COBL: variants seen among roughly 807,000 people sequenced by gnomAD.
COBL encodes protein cordon-bleu.
In COBL, 51 loss-of-function variants were observed where a neutral mutation model predicts 98.8. The observed-to-expected ratio is 0.52, with a 90% CI of 0.41 to 0.65. The LOEUF is 0.65. COBL is among the 30% of genes least tolerant of loss of function. COBL has a pLI of 0.00. For synonymous variants in COBL, 634 were observed against 651.7 expected, an observed-to-expected ratio of 0.97 and a Z score of 0.41; for missense variants, 1,617 against 1,617.5, an observed-to-expected ratio of 1.00 and a Z score of 0.01.
At chr7:51,260,507 A>G (rs1797619945) in intron 1 of COBL, among the ~76,000 whole-genome samples, 1 of 152,212 alleles carries the variant, frequency 6.6e-6, no homozygotes, top group African/African-American at 2.4e-5. Flanking sequence ...ACACAGATAA[A>G]CAAACACTCA....
intron 3 of COBL, among the ~76,000 whole-genome samples, chr7:51,192,954 C>A (rs1278483011): frequency 6.6e-6 from 1 of 152,004 alleles, no homozygotes; most frequent in Non-Finnish European, 1.5e-5. Flanking sequence ...TTCAAGTGTT[C>A]AAAAGCTGTG....
At chr7:51,133,583 G>T (rs938892619) in intron 6 of COBL, among the ~76,000 whole-genome samples, 1 of 152,228 alleles carries the variant, frequency 6.6e-6, no homozygotes, top group Admixed American at 6.5e-5. Context: ...CCCTTTGGGT[G>T]ATCTGATGCC....
chr7:51,274,288 C>G (rs1447568445), intron 1 of COBL, among the ~76,000 whole-genome samples: 1 of 152,202 alleles, frequency 6.6e-6, no homozygotes, highest in Non-Finnish European at 1.5e-5. Flanking sequence ...CCTCACTGCT[C>G]GCAGGAGAAG....
At chr7:51,214,440 G>C (rs62448319) in intron 2 of COBL, among the ~76,000 whole-genome samples, 1 of 152,108 alleles carries the variant, frequency 6.6e-6, no homozygotes, top group African/African-American at 2.4e-5. Flanking sequence ...GTGAACAGGC[G>C]ATCTCAGACA....
At chr7:51,064,260 T>G (rs745791134) in intron 7 of COBL, 39 of 151,734 alleles carry the variant, frequency 2.6e-4, no homozygotes, top group Non-Finnish European at 5.1e-4. Context: ...AGGTGCAGTA[T>G]AGGATCCCAT....
chr7:51,137,999 A>C (rs1398332489), intron 5 of COBL, among the ~76,000 whole-genome samples: 1 of 152,168 alleles, frequency 6.6e-6, no homozygotes, highest in Non-Finnish European at 1.5e-5. Context: ...TTATACTATC[A>C]TTTGTTTTCC....
intron 1 of COBL, among the ~76,000 whole-genome samples, chr7:51,273,365 A>G (rs946806363): frequency 1.3e-5 from 2 of 151,900 alleles, no homozygotes; most frequent in Non-Finnish European, 2.9e-5. Context: ...AAAGAAAGTT[A>G]TCTCAAAATA....
At chr7:51,163,060 T>C (rs942541095) in intron 5 of COBL, among the ~76,000 whole-genome samples, 1 of 152,160 alleles carries the variant, frequency 6.6e-6, no homozygotes, top group African/African-American at 2.4e-5. Flanking sequence ...AAGGAGTGCC[T>C]CTCACAGCCC....
At chr7:51,108,958 C>CACACACACACACACA (rs1562923478) in intron 6 of COBL, among the ~76,000 whole-genome samples, 2,102 of 83,904 alleles carry the variant, frequency 0.025, 38 homozygotes, top group East Asian at 0.041. Context: ...ACACACACAC[C>CACACACACACACACA]CCCTGCCCCA....
chr7:51,178,417 A>G (rs897948582), intron 5 of COBL, among the ~76,000 whole-genome samples: 3 of 152,180 alleles, frequency 2.0e-5, no homozygotes, highest in Non-Finnish European at 4.4e-5. Flanking sequence ...GGATTTGTTT[A>G]TAAGGTTTTA....
In COBL at chr7:51,237,474, T is replaced by C. The variant is rs577896714; in HGVS notation, c.42-17530A>G. On this transcript the variant is annotated intron_variant, in intron 1 of 12. Transcript: ENST00000265136. ...TTCACTAAGATGTAACAGCTGAATT[T>C]ACTTTTACGGTTTGCCGATCTCAAT... 2.0e-5 allele frequency among the ~76,000 whole-genome samples: 3 copies of C among 151,562 alleles called. No homozygotes were observed. In the South Asian group the frequency reaches 6.3e-4, roughly 32 times the overall value.
At chr7:51,165,845 A>G (rs1055006297) in intron 5 of COBL, among the ~76,000 whole-genome samples, 8 of 152,054 alleles carry the variant, frequency 5.3e-5, no homozygotes, top group East Asian at 3.8e-4. Context: ...TGGGAATTAA[A>G]CAACATGCTC....
intron 11 of COBL, among the ~76,000 whole-genome samples, chr7:51,026,283 AG>A (rs990568204): frequency 6.6e-6 from 1 of 152,230 alleles, no homozygotes; most frequent in African/African-American, 2.4e-5. Flanking sequence ...GCTCAGTTCT[AG>A]GCACAGGAAG....
intron 7 of COBL, among the ~76,000 whole-genome samples, chr7:51,049,920 C>T (rs558671027): frequency 3.0e-4 from 45 of 152,252 alleles, no homozygotes; most frequent in African/African-American, 1.1e-3. Flanking sequence ...ACTTTGTTCC[C>T]CTCTTTTTCT....
intron 7 of COBL, among the ~76,000 whole-genome samples, chr7:51,079,949 T>G (rs1214683903): frequency 2.6e-5 from 4 of 152,222 alleles, no homozygotes; most frequent in African/African-American, 9.6e-5. Flanking sequence ...CAGGTAAATG[T>G]GGTTTTCATG....
chr7:51,090,375 C>A (rs919569633), intron 6 of COBL, among the ~76,000 whole-genome samples: 1 of 152,206 alleles, frequency 6.6e-6, no homozygotes, highest in Non-Finnish European at 1.5e-5. Flanking sequence ...AGCCATTTCA[C>A]CTCAACTGTG....
chr7:51,209,945 A>C (rs374530612), intron 2 of COBL, among the ~76,000 whole-genome samples: 2 of 152,204 alleles, frequency 1.3e-5, no homozygotes, highest in African/African-American at 4.8e-5. Flanking sequence ...AGAGAGGTGA[A>C]AGGGAGTGGA....
intron 1 of COBL, among the ~76,000 whole-genome samples, chr7:51,243,411 A>G (rs1472161320): frequency 6.6e-6 from 1 of 152,188 alleles, no homozygotes; most frequent in African/African-American, 2.4e-5. Flanking sequence ...AGCACTCAAT[A>G]CCAGCTGCTA....
At position 51,063,180 on chromosome 7, in the gene COBL, G is replaced by A. The variant is rs1272315722; in HGVS notation, c.1097-19488C>T. ...GATGAAGTCTCACTCTGTCACCTAGGCTGGAGTACAATGGCGTGATCTTGG... is the reference window on the plus strand; with the variant it reads ...GATGAAGTCTCACTCTGTCACCTAGACTGGAGTACAATGGCGTGATCTTGG... On this transcript the variant is annotated intron_variant, in intron 7 of 12. Transcript: ENST00000265136. Among the ~76,000 whole-genome samples the A allele has an allele frequency of 2.0e-5, 3 of 149,322 alleles. 1 individual carries two copies. The highest frequency in any genetic ancestry group is 7.4e-5 in the African/African-American group (3 of 40,386).
Sources: allele counts gnomAD v4.1 joint callset (sites outside exome capture counted in the v4.1 genomes callset), GRCh38; gene constraint gnomAD v4.1.1; transcripts MANE v1.5; gene names NCBI Gene and HGNC (gene_info 2026-07-23, HGNC 2026-07-21).